The following RPL37 variants were observed in gnomAD, a reference collection of about 807,000 sequenced individuals.
RPL37 encodes the protein ribosomal protein L37.
In RPL37, 1 loss-of-function variant was observed where a neutral mutation model predicts 14.8. The observed-to-expected ratio is 0.07, with a 90% CI of 0.02 to 0.32. The LOEUF (loss-of-function observed/expected upper bound fraction) is 0.32. Among genes scored for constraint, RPL37 ranks in the 10% least tolerant of loss-of-function variants. The probability of loss-of-function intolerance (pLI) is 1.00; values close to 1 mark genes in which losing one functional copy is unlikely to be tolerated. For missense variants in RPL37, 100 were observed against 128.3 expected (o/e 0.78, Z 1.06); for synonymous variants, 53 against 45.8 (o/e 1.16, Z -0.63).
chr5:40,829,729 G>A lies in RPL37; in HGVS notation c.*2775C>T, dbSNP rs906799961. The A allele has an allele frequency of 6.6e-6, 1 of 151,578 alleles. No individual in the cohort carries two copies. Among genetic ancestry groups the A allele is most frequent in the Non-Finnish European group, 1.5e-5 (1 of 67,952 alleles). The allele number at this position is 151,578 out of a possible 1,614,324, so 9.4% of individuals were successfully genotyped here. ...ATATATAATTGTGTCTCAATTAGAG[G>A]TGAGGCCTCTGCAGCTCACCGCAAC... On this transcript the variant is annotated 3_prime_UTR_variant, in exon 4 of 4. Coordinates refer to ENST00000274242, the MANE Select transcript of RPL37 (RefSeq NM_000997.5).
Position 40,832,490 on chromosome 5 carries a change from A to G in RPL37, c.*14T>C. 1 of 1,608,338 alleles carries G rather than the reference A, an allele frequency of 6.2e-7. No individual in the cohort carries two copies. Among genetic ancestry groups the G allele is most frequent in the Non-Finnish European group, 8.5e-7 (1 of 1,175,392 alleles). On this transcript the variant is annotated 3_prime_UTR_variant, in exon 4 of 4. Coordinates refer to ENST00000274242, the MANE Select transcript of RPL37 (RefSeq NM_000997.5). ...AAACCAGAACATTTATTGCATGACT[A>G]ATCGTTGACATTCTTAAGATGAACT...
intron 1 of RPL37, 30 bp downstream of exon 1, chr5:40,835,153 C>T (rs1579795376): frequency 6.2e-7 from 1 of 1,614,044 alleles, no homozygotes; most frequent in East Asian, 2.2e-5. Flanking sequence ...GGATGGAACG[C>T]GATTCACAAA....
Position 40,834,623 on chromosome 5 carries a change from T to TA in RPL37, c.4-18dup. On this transcript the variant is annotated splice_polypyrimidine_tract_variant and intron_variant, in intron 1 of 3. Coordinates refer to ENST00000274242, the MANE Select transcript of RPL37 (RefSeq NM_000997.5). ...TCCCTTCGTCTGCACATTAAAGGAA[T>TA]AAATAGTTCTGAAACCTGGCAACTT... 1 of 1,589,352 alleles carries TA rather than the reference T, an allele frequency of 6.3e-7. No individual in the cohort carries two copies. Among genetic ancestry groups the TA allele is most frequent in the Non-Finnish European group, 8.5e-7 (1 of 1,171,182 alleles).
intron 3 of RPL37, chr5:40,833,979 A>G: frequency 1.8e-6 from 1 of 567,328 alleles, no homozygotes; most frequent in East Asian, 3.0e-5. Flanking sequence ...GGGGAGACTG[A>G]GGCTGCACTG....
intron 3 of RPL37, 55 bp downstream of exon 3, chr5:40,834,126 C>A: frequency 8.4e-7 from 1 of 1,189,516 alleles, no homozygotes; most frequent in Non-Finnish European, 1.3e-6. Flanking sequence ...CAAGTAAACA[C>A]GAGGGTTTCA....
Sources: allele counts gnomAD v4.1 joint callset, GRCh38; gene constraint gnomAD v4.1.1; transcripts MANE v1.5; gene names NCBI Gene and HGNC (gene_info 2026-07-23, HGNC 2026-07-21).